Variants in VMP1 observed in about 807,000 individuals in gnomAD.
The protein encoded by VMP1 is ectopic P-granules autophagy protein 3 homolog.
Under a neutral mutation model 56.0 loss-of-function variants are expected in VMP1, and 11 were observed. The ratio of observed to expected loss-of-function variants is 0.20; its 90% CI spans 0.12 to 0.32. The LOEUF (loss-of-function observed/expected upper bound fraction) is 0.32, where lower values mean the gene tolerates loss of function less well. Ranked by LOEUF, VMP1 falls within the 10% of genes least tolerant of loss-of-function variation. VMP1 has a pLI of 1.00. For synonymous variants in VMP1, 149 were observed against 165.0 expected (o/e 0.90, Z 0.74); for missense variants, 296 against 490.3 (o/e 0.60, Z 3.74).
At chr17:59,776,361 A>G (rs976396996) in intron 7 of VMP1, among the ~76,000 whole-genome samples, 2 of 152,252 alleles carry the variant, frequency 1.3e-5, no homozygotes, top group Non-Finnish European at 2.9e-5. Context: ...TTGTGGAAAG[A>G]GCAAATTGCC....
At chr17:59,768,849 G>A (rs2036327613) in intron 6 of VMP1, among the ~76,000 whole-genome samples, 1 of 152,006 alleles carries the variant, frequency 6.6e-6, no homozygotes. Flanking sequence ...AGCTGGGCAT[G>A]ATGACAGGCC....
intron 5 of VMP1, among the ~76,000 whole-genome samples, chr17:59,760,699 C>T (rs1207546594): frequency 6.6e-6 from 1 of 152,168 alleles, no homozygotes; most frequent in Non-Finnish European, 1.5e-5. Context: ...CGGCTCACTG[C>T]AATCTCCGCC....
intron 4 of VMP1, among the ~76,000 whole-genome samples, chr17:59,737,812 C>CA (rs2035072734): frequency 6.6e-6 from 1 of 151,964 alleles, no homozygotes. Context: ...CTCTGTCACC[C>CA]AGGTTGGAGC....
rs542633590 is a variant in VMP1 at position 59,713,902 on chromosome 17, G to A, written c.-27+6154G>A. ...CTAAAAATACAAAAATTAGCTGGGC[G>A]TGGTGGTGGGCACCTGTAATCCCCA... On this transcript the variant is annotated intron_variant, in intron 1 of 11. Transcript: ENST00000262291. Among the ~76,000 whole-genome samples the A allele has an allele frequency of 1.4e-4, 21 of 151,532 alleles. No homozygotes were observed. The South Asian group carries it at 2.1e-3, about 15-fold the overall frequency.
chr17:59,726,491 G>A (rs145580686), intron 1 of VMP1, among the ~76,000 whole-genome samples: 174 of 151,820 alleles, frequency 1.1e-3, no homozygotes, highest in Middle Eastern at 6.8e-3. Flanking sequence ...ACGGGGTTTC[G>A]CCATGTTGGC....
intron 5 of VMP1, among the ~76,000 whole-genome samples, chr17:59,743,303 C>A (rs879744547): frequency 3.3e-5 from 5 of 152,098 alleles, no homozygotes; most frequent in Non-Finnish European, 5.9e-5. Context: ...GATCTTTTTA[C>A]TGTTTCTATA....
rs763926036 is a variant in VMP1 at position 59,815,194 on chromosome 17, CAG to C, written c.913-2515_913-2514del. Among the ~76,000 whole-genome samples, 39 of 152,118 alleles carry C rather than the reference CAG, an allele frequency of 2.6e-4. 1 individual carries two copies. The highest frequency in any genetic ancestry group is 1.0e-4 in the Non-Finnish European group (7 of 68,020). ...AGATCAGATTTCCCCTTCCACTGCA[CAG>C]AGTCAAGTACTCTGTCTGTAGAAGT... On this transcript the variant is annotated intron_variant, in intron 9 of 11. Coordinates refer to ENST00000262291, the MANE Select transcript of VMP1 (RefSeq NM_030938.5).
intron 1 of VMP1, among the ~76,000 whole-genome samples, chr17:59,727,136 T>G (rs943619908): frequency 2.1e-5 from 3 of 141,666 alleles, no homozygotes; most frequent in Admixed American, 2.0e-4. Flanking sequence ...TTTTTGTTTT[T>G]TTTTGTTTTT....
intron 5 of VMP1, among the ~76,000 whole-genome samples, chr17:59,746,324 G>A (rs6503939): frequency 0.44 from 66,396 of 151,906 alleles, 16,655 homozygotes; most frequent in African/African-American, 0.69. Context: ...GGTGTGCACC[G>A]CCACACCCAG....
In VMP1 at chr17:59,806,213, T is replaced by C. The variant is rs958184598; in HGVS notation, c.715-2583T>C. ...GGATAGGATTAGTGAAAAGGAGCAG[T>C]AAATAATAAAATGTAATAGAAATAG... On this transcript the variant is annotated intron_variant, in intron 7 of 11. Transcript: ENST00000262291. 3.3e-5 allele frequency among the ~76,000 whole-genome samples: 5 copies of C among 152,224 alleles called. No homozygotes were observed. In the South Asian group the frequency reaches 1.0e-3, roughly 32 times the overall value.
At position 59,753,007 on chromosome 17, in the gene VMP1, G is replaced by A. The variant is rs980785715; in HGVS notation, c.415-11964G>A. On this transcript the variant is annotated intron_variant, in intron 5 of 11. Transcript: ENST00000262291. ...AAGCTTAGGCCAGGTGCAGTGGCTC[G>A]CACCTGTATTCCCAGCACTTTGGGA... 9.9e-5 allele frequency among the ~76,000 whole-genome samples: 15 copies of A among 152,190 alleles called. No individual in the cohort carries two copies. The East Asian group carries it at 1.9e-3, about 20-fold the overall frequency.
In VMP1 at chr17:59,798,114, T is replaced by C. The variant is rs548119289; in HGVS notation, c.715-10682T>C. 7.2e-5 allele frequency among the ~76,000 whole-genome samples: 11 copies of C among 152,354 alleles called. No individual in the cohort carries two copies. The South Asian group carries it at 2.3e-3, about 32-fold the overall frequency. ...AGGTATATTTTAGATTTGTATGCTT[T>C]ACTGTATACGTTATGCCTTAGTTTA... On this transcript the variant is annotated intron_variant, in intron 7 of 11. Coordinates refer to ENST00000262291, the MANE Select transcript of VMP1 (RefSeq NM_030938.5).
intron 1 of VMP1, chr17:59,729,665 A>G (rs1431844057): frequency 4.7e-5 from 7 of 148,712 alleles, no homozygotes; most frequent in African/African-American, 1.5e-4. Flanking sequence ...AACACTTGTT[A>G]TTATTATCTT....
intron 5 of VMP1, among the ~76,000 whole-genome samples, chr17:59,742,343 C>A (rs1363587123): frequency 1.3e-5 from 2 of 151,820 alleles, no homozygotes; most frequent in Non-Finnish European, 1.5e-5. Flanking sequence ...CTGAAAAACA[C>A]ATAAATAAAT....
At chr17:59,724,975 A>C (rs1451916073) in intron 1 of VMP1, among the ~76,000 whole-genome samples, 3 of 137,770 alleles carry the variant, frequency 2.2e-5, no homozygotes, top group Non-Finnish European at 4.7e-5. Context: ...CAAAAAAAAA[A>C]ACAAAAACAA....
chr17:59,747,122 C>G (rs911362967), intron 5 of VMP1, among the ~76,000 whole-genome samples: 10 of 152,176 alleles, frequency 6.6e-5, no homozygotes, highest in South Asian at 2.1e-4. Flanking sequence ...ACCCAAAAAC[C>G]AAGCCATCAA....
chr17:59,799,192 A>G (rs1332168996), intron 7 of VMP1, among the ~76,000 whole-genome samples: 1 of 152,190 alleles, frequency 6.6e-6, no homozygotes, highest in African/African-American at 2.4e-5. Context: ...TTTATATTGC[A>G]TGTTTTACAT....
At chr17:59,773,964 C>G in intron 7 of VMP1, 79 bp downstream of exon 7, 1 of 1,237,788 alleles carries the variant, frequency 8.1e-7, no homozygotes, top group African/African-American at 1.6e-5. Flanking sequence ...TTAGTAGTTA[C>G]TCTGAAGAAG....
intron 5 of VMP1, among the ~76,000 whole-genome samples, chr17:59,739,513 T>A (rs547736321): frequency 2.4e-3 from 354 of 147,624 alleles, no homozygotes; most frequent in Middle Eastern, 4.0e-3. Context: ...TCATGAGGTC[T>A]GGAGATCGAG....
Sources: allele counts gnomAD v4.1 joint callset (sites outside exome capture counted in the v4.1 genomes callset), GRCh38; gene constraint gnomAD v4.1.1; transcripts MANE v1.5; gene names NCBI Gene and HGNC (gene_info 2026-07-23, HGNC 2026-07-21).